Variants in NEK11 observed in about 807,000 individuals in gnomAD.
The protein encoded by NEK11 is serine/threonine-protein kinase Nek11.
A neutral mutation model predicts 80.7 loss-of-function variants in NEK11; 72 were observed. The observed-to-expected ratio is 0.89, with a 90% confidence interval of 0.74 to 1.08. The LOEUF (loss-of-function observed/expected upper bound fraction) is 1.08. Among genes scored for constraint, NEK11 ranks in the 50% least tolerant of loss-of-function variants. The pLI is 0.00. For missense variants in NEK11, 764 were observed against 763.6 expected (o/e 1.00, Z -0.01); for synonymous variants, 251 against 260.7 (o/e 0.96, Z 0.36).
intron 17 of NEK11, among the ~76,000 whole-genome samples, chr3:131,279,558 G>A (rs866840957): frequency 6.6e-6 from 1 of 151,982 alleles, no homozygotes; most frequent in Admixed American, 6.6e-5. Context: ...ATTATAGAAC[G>A]GTTCTCTGTC....
In NEK11 at chr3:131,132,727, C is replaced by CT. The variant is rs2084731413; in HGVS notation, c.456-12dup. 6.4e-6 allele frequency: 9 copies of CT among 1,406,136 alleles called. No individual in the cohort carries two copies. The highest frequency in any genetic ancestry group is 2.5e-5 in the South Asian group (2 of 79,394). 87.1% of individuals were successfully genotyped at this position (1,406,136 alleles called of 1,614,324 possible). On this transcript the variant is annotated splice_polypyrimidine_tract_variant and intron_variant, in intron 5 of 17. Coordinates refer to ENST00000383366, the MANE Select transcript of NEK11 (RefSeq NM_024800.5). ...TTATATTCTGCATGAAGTTGTATAT[C>CT]TTTTTTGCCTTTTGTAGGAGGATAC...
intron 14 of NEK11, among the ~76,000 whole-genome samples, chr3:131,224,481 G>T (rs568141608): frequency 6.6e-6 from 1 of 151,990 alleles, no homozygotes; most frequent in African/African-American, 2.4e-5. Context: ...TGCCTGCCTC[G>T]GCCTGCCAAA....
intron 14 of NEK11, among the ~76,000 whole-genome samples, chr3:131,185,199 T>C (rs546782838): frequency 6.6e-6 from 1 of 152,172 alleles, no homozygotes; most frequent in African/African-American, 2.4e-5. Context: ...GTGAAAATAT[T>C]TTTTTAGTGG....
At chr3:131,322,005 AAAC>A (rs2096902049) in intron 17 of NEK11, among the ~76,000 whole-genome samples, 4 of 152,292 alleles carry the variant, frequency 2.6e-5, no homozygotes, top group Admixed American at 2.0e-4. Context: ...ATCTAAAAGA[AAAC>A]AAAGTGTTCA....
At chr3:131,343,249 G>T (rs2097312408) in intron 17 of NEK11, among the ~76,000 whole-genome samples, 1 of 152,096 alleles carries the variant, frequency 6.6e-6, no homozygotes, top group African/African-American at 2.4e-5. Context: ...TGATTGTGAG[G>T]TAAAGAGAGA....
At chr3:131,038,952 G>T (rs1213767618) in intron 3 of NEK11, among the ~76,000 whole-genome samples, 2 of 152,062 alleles carry the variant, frequency 1.3e-5, no homozygotes, top group African/African-American at 4.8e-5. Flanking sequence ...TATGAGATAG[G>T]GGAATATCTA....
chr3:131,263,890 T>G (rs2095988503), intron 16 of NEK11, among the ~76,000 whole-genome samples: 1 of 152,232 alleles, frequency 6.6e-6, no homozygotes, highest in Admixed American at 6.5e-5. Context: ...TCCTGACTTT[T>G]TAATGATCGC....
At chr3:131,083,527 C>T (rs2075583549) in intron 4 of NEK11, among the ~76,000 whole-genome samples, 1 of 152,236 alleles carries the variant, frequency 6.6e-6, no homozygotes, top group African/African-American at 2.4e-5. Flanking sequence ...TTACTCTTAA[C>T]TGGCACAGGG....
intron 16 of NEK11, among the ~76,000 whole-genome samples, chr3:131,243,720 G>A (rs2095553334): frequency 6.6e-6 from 1 of 152,076 alleles, no homozygotes; most frequent in Admixed American, 6.6e-5. Flanking sequence ...TGAAATAATT[G>A]AAATTCAGTG....
intron 3 of NEK11, among the ~76,000 whole-genome samples, chr3:131,052,294 C>T (rs887769705): frequency 2.6e-5 from 4 of 151,740 alleles, no homozygotes; most frequent in South Asian, 2.1e-4. Flanking sequence ...CCTGTTCATG[C>T]GCATTTGAGT....
At chr3:131,116,780 A>G (rs1241413137) in intron 5 of NEK11, among the ~76,000 whole-genome samples, 1 of 152,142 alleles carries the variant, frequency 6.6e-6, no homozygotes, top group African/African-American at 2.4e-5. Flanking sequence ...TCTTCTTTTG[A>G]GAAGTGTCTG....
chr3:131,184,675 A>G (rs979238088), intron 14 of NEK11: 2 of 852,042 alleles, frequency 2.3e-6, no homozygotes, highest in African/African-American at 3.5e-5. Context: ...CTGTTCATCT[A>G]TAAAATTTTT....
intron 14 of NEK11, among the ~76,000 whole-genome samples, chr3:131,198,475 A>G (rs2094110648): frequency 6.6e-6 from 1 of 152,218 alleles, no homozygotes; most frequent in African/African-American, 2.4e-5. Context: ...GTTGTCTGAC[A>G]GCCACAAGTC....
At chr3:131,112,619 G>A (rs1057202110) in intron 5 of NEK11, among the ~76,000 whole-genome samples, 9 of 152,170 alleles carry the variant, frequency 5.9e-5, no homozygotes, top group African/African-American at 1.9e-4. Context: ...GTACAATTTA[G>A]TGTTACAGGA....
intron 17 of NEK11, among the ~76,000 whole-genome samples, chr3:131,320,871 CA>C (rs931066792): frequency 6.6e-6 from 1 of 152,088 alleles, no homozygotes; most frequent in Non-Finnish European, 1.5e-5. Context: ...AATACAAAAA[CA>C]TTCCATATTC....
chr3:131,248,637 C>T (rs1314735468), intron 16 of NEK11, among the ~76,000 whole-genome samples: 3 of 152,080 alleles, frequency 2.0e-5, no homozygotes, highest in Non-Finnish European at 4.4e-5. Context: ...CTCTCTCACT[C>T]TCCCATATTA....
intron 7 of NEK11, among the ~76,000 whole-genome samples, chr3:131,149,773 C>A (rs1359017787): frequency 6.6e-6 from 1 of 151,680 alleles, no homozygotes; most frequent in Non-Finnish European, 1.5e-5. Context: ...TCTTGATCAG[C>A]CTTGCTAGAA....
In NEK11 at chr3:131,087,186, G is replaced by T. The variant is rs143693738; in HGVS notation, c.336+6598G>T. ...GTTTTTACCTCTGAGATTTTGTCGT[G>T]CAGCCTTTAGTATGAGGATTCATGC... On this transcript the variant is annotated intron_variant, in intron 4 of 17. Transcript: ENST00000383366. 5.0e-3 allele frequency among the ~76,000 whole-genome samples: 747 copies of T among 150,480 alleles called. 4 individuals carry two copies. Among genetic ancestry groups the T allele is most frequent in the African/African-American group, 0.017 (698 of 40,942 alleles).
intron 10 of NEK11, among the ~76,000 whole-genome samples, chr3:131,161,412 G>A (rs893678543): frequency 2.0e-5 from 3 of 151,984 alleles, no homozygotes; most frequent in Admixed American, 6.6e-5. Context: ...GTTCACAATA[G>A]CAAAGACATG....
Sources: allele counts gnomAD v4.1 joint callset (sites outside exome capture counted in the v4.1 genomes callset), GRCh38; gene constraint gnomAD v4.1.1; transcripts MANE v1.5; gene names NCBI Gene and HGNC (gene_info 2026-07-23, HGNC 2026-07-21).